The following FARP2 variants were observed in gnomAD, a reference collection of about 807,000 sequenced individuals.
FARP2 encodes FERM, ARH/RhoGEF and pleckstrin domain protein 2.
A neutral mutation model predicts 130.5 loss-of-function variants in FARP2; 111 were observed. The ratio of observed to expected loss-of-function variants is 0.85; its 90% CI spans 0.73 to 1.00. The LOEUF (loss-of-function observed/expected upper bound fraction) is 1.00. FARP2 is among the 50% of genes least tolerant of loss of function. The probability of loss-of-function intolerance (pLI) is 0.00; values close to 1 mark genes in which losing one functional copy is unlikely to be tolerated. For missense variants in FARP2, 1,385 were observed against 1,346.3 expected (o/e 1.03, Z -0.45); for synonymous variants, 504 against 516.9 (o/e 0.98, Z 0.34).
rs190955729 is a variant in FARP2 at position 241,485,888 on chromosome 2, T to C, written c.2421+1557T>C. On this transcript the variant is annotated intron_variant, in intron 21 of 26. Coordinates refer to ENST00000264042, the MANE Select transcript of FARP2 (RefSeq NM_014808.4). Reference sequence around the variant, plus strand: ...TGGAGTCCTTCCTCCCCCAGTGGGGTCCTCCCTCCCTGGGGTCCTCTTTCC... The same window carrying C: ...TGGAGTCCTTCCTCCCCCAGTGGGGCCCTCCCTCCCTGGGGTCCTCTTTCC... Among the ~76,000 whole-genome samples, 4 of 149,922 alleles carry C rather than the reference T, an allele frequency of 2.7e-5. No individual in the cohort carries two copies. In the East Asian group the frequency reaches 7.9e-4, roughly 30 times the overall value.
intron 1 of FARP2, among the ~76,000 whole-genome samples, chr2:241,364,151 G>A (rs2061252923): frequency 6.6e-6 from 1 of 152,216 alleles, no homozygotes; most frequent in African/African-American, 2.4e-5. Flanking sequence ...TTTAAAAGCA[G>A]GGATCTTCCT....
intron 12 of FARP2, among the ~76,000 whole-genome samples, chr2:241,440,778 C>T (rs2063361479): frequency 6.6e-6 from 1 of 152,154 alleles, no homozygotes; most frequent in Non-Finnish European, 1.5e-5. Context: ...CTGTATTTTA[C>T]CCCTCAACAA....
At position 241,403,860 on chromosome 2, in the gene FARP2, A is replaced by C. The variant is rs745402014; in HGVS notation, c.216A>C (p.Gln72His). 1 of 1,613,638 alleles carries C rather than the reference A, an allele frequency of 6.2e-7. No individual in the cohort carries two copies. Among genetic ancestry groups the C allele is most frequent in the African/African-American group, 1.3e-5 (1 of 74,902 alleles). The stretch of plus-strand genomic sequence containing the variant: ...GCGATGGCCAGGTATTACTGACACA[A>C]GTGTGGAAGCGTTTAAACCTGGTAG... ...PKCDGQVLLTQVWKRLNLVEC... is the reference protein window; with the variant it reads ...PKCDGQVLLTHVWKRLNLVEC... The change falls in exon 3 of 27, where the codon CAA becomes CAC. Residue 72 changes from glutamine (Q) to histidine (H), a missense_variant. Gln to His is a conservative substitution (Grantham distance 24). Transcript: ENST00000264042.
intron 8 of FARP2, among the ~76,000 whole-genome samples, chr2:241,429,481 C>T (rs1051493286): frequency 6.6e-6 from 1 of 152,210 alleles, no homozygotes; most frequent in African/African-American, 2.4e-5. Context: ...GAGAAACTCC[C>T]AGAGTGATGA....
rs780731973 is a variant in FARP2 at position 241,462,534 on chromosome 2, A to C, written c.1599A>C (p.Ala533=). ...TCTGCTTCTTTCAGCGCGTGCCTGC[A>C]GACGAGGCCTACTTCATAGTCAAAG... ...CEEPRHKRVP[A]DEAYFIVKEI... Residue 533 remains alanine, a synonymous_variant, in exon 15 of 27, where the codon GCA becomes GCC. Transcript: ENST00000264042. 2 of 1,613,722 alleles carry C rather than the reference A, an allele frequency of 1.2e-6. No homozygotes were observed. Among genetic ancestry groups the C allele is most frequent in the South Asian group, 2.2e-5 (2 of 91,076 alleles).
intron 12 of FARP2, among the ~76,000 whole-genome samples, chr2:241,436,955 C>T (rs1292908021): frequency 1.3e-5 from 2 of 152,160 alleles, no homozygotes; most frequent in Non-Finnish European, 2.9e-5. Flanking sequence ...CACTACACTC[C>T]AGCCTGGATG....
intron 13 of FARP2, chr2:241,447,129 T>C (rs1455294937): frequency 6.6e-6 from 1 of 152,250 alleles, no homozygotes; most frequent in Non-Finnish European, 1.5e-5. Flanking sequence ...AATAAGGATA[T>C]ATTTACTGTG....
At chr2:241,367,896 T>A (rs2150291893) in intron 1 of FARP2, among the ~76,000 whole-genome samples, 1 of 151,948 alleles carries the variant, frequency 6.6e-6, no homozygotes, top group African/African-American at 2.4e-5. Context: ...TAATAGATTT[T>A]ATTTTTTAGA....
At chr2:241,468,065 C>A in intron 17 of FARP2, 75 bp from the exon 18 acceptor site, 1 of 1,027,466 alleles carries the variant, frequency 9.7e-7, no homozygotes, top group Non-Finnish European at 1.5e-6. Flanking sequence ...CACCTGCCAT[C>A]AAGGAAAACA....
chr2:241,463,632 A>T, intron 16 of FARP2, 164 bp downstream of exon 16: 2 of 774,340 alleles, frequency 2.6e-6, no homozygotes, highest in Non-Finnish European at 4.1e-6. Context: ...AATACCCTTT[A>T]TTCACCCTCT....
chr2:241,366,340 G>T (rs2061320485), intron 1 of FARP2, among the ~76,000 whole-genome samples: 1 of 151,442 alleles, frequency 6.6e-6, no homozygotes, highest in Admixed American at 6.6e-5. Context: ...ATTCACTTCA[G>T]CTCCTAAAAC....
intron 13 of FARP2, among the ~76,000 whole-genome samples, chr2:241,448,825 A>C (rs1166947376): frequency 6.6e-6 from 1 of 152,180 alleles, no homozygotes; most frequent in African/African-American, 2.4e-5. Context: ...CTGCCTACCA[A>C]GCCGTGGTCC....
At chr2:241,485,244 T>C (rs369924512) in intron 21 of FARP2, among the ~76,000 whole-genome samples, 1 of 151,238 alleles carries the variant, frequency 6.6e-6, no homozygotes, top group Non-Finnish European at 1.5e-5. Flanking sequence ...CCTGTAGTCC[T>C]CCCTCCCTGG....
rs2150294799 is a variant in FARP2 at position 241,369,650 on chromosome 2, TA to T, written c.-24-3433del. ...CTTAAGAAAACATAAATGAGAATTA[TA>T]CAGTAGAATAAATAAGAGAAATGAC... On this transcript the variant is annotated intron_variant, in intron 1 of 26. Coordinates refer to ENST00000264042, the MANE Select transcript of FARP2 (RefSeq NM_014808.4). Among the ~76,000 whole-genome samples the T allele has an allele frequency of 2.0e-5, 3 of 151,520 alleles. No individual in the cohort carries two copies. The South Asian group carries it at 6.2e-4, about 31-fold the overall frequency.
intron 6 of FARP2, 21 bp from the exon 7 acceptor site, chr2:241,413,282 GTTAC>G (rs769124573): frequency 2.1e-6 from 3 of 1,411,798 alleles, no homozygotes; most frequent in Non-Finnish European, 3.0e-6. Context: ...TTAAAAATTA[GTTAC>G]TTACTTTTAA....
chr2:241,438,851 C>T (rs560235972), intron 12 of FARP2, among the ~76,000 whole-genome samples: 3 of 151,858 alleles, frequency 2.0e-5, no homozygotes, highest in Non-Finnish European at 4.4e-5. Context: ...AGGATGGTCT[C>T]AATCTCCTGA....
chr2:241,361,669 C>G (rs928515397), intron 1 of FARP2, among the ~76,000 whole-genome samples: 1 of 152,080 alleles, frequency 6.6e-6, no homozygotes, highest in Admixed American at 6.5e-5. Flanking sequence ...GAAACCTGAG[C>G]CAGACTAGCT....
intron 2 of FARP2, among the ~76,000 whole-genome samples, chr2:241,393,771 C>G (rs2061964431): frequency 2.0e-5 from 3 of 152,170 alleles, no homozygotes; most frequent in Admixed American, 2.0e-4. Context: ...CCATTTTCAT[C>G]TAGACACAAC....
chr2:241,454,460 C>G (rs2063779485), intron 13 of FARP2, among the ~76,000 whole-genome samples: 1 of 152,184 alleles, frequency 6.6e-6, no homozygotes, highest in Admixed American at 6.5e-5. Context: ...TTTCCGAATT[C>G]TCATCACATA....
Sources: gnomAD v4.1 joint callset for allele counts (sites outside exome capture counted in the v4.1 genomes callset) on GRCh38, gnomAD v4.1.1 for gene constraint, MANE v1.5 for transcripts, NCBI Gene and HGNC (gene_info 2026-07-23, HGNC 2026-07-21) for gene names.